Variants in NRG1 observed in about 807,000 individuals in gnomAD.
NRG1 encodes neuregulin 1.
In NRG1, 18 loss-of-function variants were observed where a neutral mutation model predicts 63.8. The observed-to-expected ratio is 0.28, with a 90% CI of 0.19 to 0.42. The LOEUF (loss-of-function observed/expected upper bound fraction) is 0.42. Ranked by LOEUF, NRG1 falls within the 10% of genes least tolerant of loss-of-function variation. NRG1 has a pLI of 1.00. For synonymous variants in NRG1, 302 were observed against 301.3 expected, an observed-to-expected ratio of 1.00 and a Z score of -0.02; for missense variants, 762 against 814.7, an observed-to-expected ratio of 0.94 and a Z score of 0.79.
At chr8:32,728,901 T>A (rs1395819226) in intron 6 of NRG1, among the ~76,000 whole-genome samples, 1 of 151,720 alleles carries the variant, frequency 6.6e-6, no homozygotes, top group African/African-American at 2.4e-5. Flanking sequence ...CCGTCTCTAC[T>A]AAAAATGCAA....
intron 5 of NRG1, among the ~76,000 whole-genome samples, chr8:32,633,989 TA>T (rs1850816839): frequency 6.6e-6 from 1 of 150,620 alleles, no homozygotes; most frequent in African/African-American, 2.5e-5. Flanking sequence ...AAAGAAATTT[TA>T]AAAATTAGCC....
At chr8:31,690,280 C>G (rs966719899) in intron 1 of NRG1, among the ~76,000 whole-genome samples, 2 of 151,976 alleles carry the variant, frequency 1.3e-5, no homozygotes, top group African/African-American at 4.8e-5. Flanking sequence ...GGTATTTCTT[C>G]ATAGCAGCAT....
At chr8:31,877,145 T>C (rs1193876354) in intron 1 of NRG1, among the ~76,000 whole-genome samples, 1 of 152,194 alleles carries the variant, frequency 6.6e-6, no homozygotes, top group Non-Finnish European at 1.5e-5. Context: ...ACCTGCTTGA[T>C]AGAAGAATAT....
intron 1 of NRG1, among the ~76,000 whole-genome samples, chr8:32,395,250 C>T (rs1264613414): frequency 1.3e-5 from 2 of 152,124 alleles, no homozygotes; most frequent in Non-Finnish European, 2.9e-5. Flanking sequence ...GATCAAGCAA[C>T]TAGTAAGTGG....
At chr8:32,437,811 A>G (rs1818977654) in intron 1 of NRG1, among the ~76,000 whole-genome samples, 1 of 152,166 alleles carries the variant, frequency 6.6e-6, no homozygotes, top group Admixed American at 6.6e-5. Flanking sequence ...TTTTGATATT[A>G]TTTATTATAA....
chr8:31,712,489 C>T (rs890253238), intron 1 of NRG1, among the ~76,000 whole-genome samples: 38 of 152,112 alleles, frequency 2.5e-4, no homozygotes, highest in African/African-American at 8.0e-4. Flanking sequence ...ATGATGGTCT[C>T]GATCTCCTGA....
intron 1 of NRG1, among the ~76,000 whole-genome samples, chr8:32,588,770 A>G (rs542180412): frequency 6.6e-6 from 1 of 152,316 alleles, no homozygotes; most frequent in South Asian, 2.1e-4. Flanking sequence ...GTTTGCTGCC[A>G]GTGGTAAAGA....
At chr8:31,702,992 C>T (rs1311327994) in intron 1 of NRG1, among the ~76,000 whole-genome samples, 3 of 150,754 alleles carry the variant, frequency 2.0e-5, no homozygotes, top group Admixed American at 6.6e-5. Flanking sequence ...TCCATTTGTT[C>T]TGTGAATCTC....
At chr8:31,991,203 G>A (rs546758790) in intron 1 of NRG1, among the ~76,000 whole-genome samples, 31 of 151,990 alleles carry the variant, frequency 2.0e-4, no homozygotes, top group Admixed American at 9.2e-4. Flanking sequence ...TTAAGTGATC[G>A]AGTAAACAAA....
rs904895025 is a variant in NRG1, at chr8:31,756,936, G to T, written c.37+117505G>T. 6.6e-5 allele frequency among the ~76,000 whole-genome samples: 10 copies of T among 152,182 alleles called. No individual in the cohort carries two copies. The East Asian group carries it at 1.7e-3, about 27-fold the overall frequency. ...TGAGGTTTCAGTCTATTGGGTCAGGGTATTAGCAATACATTAACCAAACCG... is the reference window on the plus strand; with the variant it reads ...TGAGGTTTCAGTCTATTGGGTCAGGTTATTAGCAATACATTAACCAAACCG... On this transcript the variant is annotated intron_variant, in intron 1 of 10. Coordinates refer to the NRG1 transcript ENST00000519301.
chr8:31,656,345 G>A (rs1388631174), intron 1 of NRG1, among the ~76,000 whole-genome samples: 1 of 152,168 alleles, frequency 6.6e-6, no homozygotes, highest in Non-Finnish European at 1.5e-5. Flanking sequence ...CTTTTTGAGT[G>A]GTGACTATTG....
chr8:32,664,328 G>T (rs918334904), intron 5 of NRG1, among the ~76,000 whole-genome samples: 1 of 152,090 alleles, frequency 6.6e-6, no homozygotes. Flanking sequence ...AAGGAATAAG[G>T]CTAAGAAGGA....
chr8:32,475,043 T>A (rs1411465970), intron 1 of NRG1, among the ~76,000 whole-genome samples: 4 of 152,164 alleles, frequency 2.6e-5, no homozygotes, highest in Non-Finnish European at 5.9e-5. Flanking sequence ...ATTTTGGCAC[T>A]GATCTTTCCT....
At chr8:32,753,891 G>A (rs1397065725) in intron 7 of NRG1, among the ~76,000 whole-genome samples, 1 of 152,096 alleles carries the variant, frequency 6.6e-6, no homozygotes, top group Non-Finnish European at 1.5e-5. Context: ...AAAGGCCAGG[G>A]GCTGGGGGAT....
At chr8:31,645,799 T>TA (rs1212323483) in intron 1 of NRG1, among the ~76,000 whole-genome samples, 7 of 152,222 alleles carry the variant, frequency 4.6e-5, no homozygotes, top group African/African-American at 1.2e-4. Context: ...AAATTACAAC[T>TA]AAAAAATCAA....
At chr8:32,517,934 C>T (rs904086930) in intron 1 of NRG1, among the ~76,000 whole-genome samples, 1 of 151,932 alleles carries the variant, frequency 6.6e-6, no homozygotes, top group Non-Finnish European at 1.5e-5. Context: ...TGTTCTCTAG[C>T]AAAGATCAAA....
At chr8:32,679,761 A>G (rs1808116497) in intron 5 of NRG1, among the ~76,000 whole-genome samples, 1 of 152,204 alleles carries the variant, frequency 6.6e-6, no homozygotes, top group Admixed American at 6.5e-5. Flanking sequence ...TTCTGATCTT[A>G]TGTGTTCACC....
intron 1 of NRG1, among the ~76,000 whole-genome samples, chr8:31,675,440 A>C (rs1168370751): frequency 6.6e-6 from 1 of 152,226 alleles, no homozygotes; most frequent in Non-Finnish European, 1.5e-5. Flanking sequence ...TGATATACTC[A>C]ATACTTCTGC....
At chr8:32,511,560 A>G (rs1829225662) in intron 1 of NRG1, among the ~76,000 whole-genome samples, 1 of 151,860 alleles carries the variant, frequency 6.6e-6, no homozygotes, top group Admixed American at 6.6e-5. Context: ...CCAAATACAC[A>G]GAGGAATTTT....
Sources: allele counts gnomAD v4.1 joint callset (sites outside exome capture counted in the v4.1 genomes callset), GRCh38; gene constraint gnomAD v4.1.1; transcripts MANE v1.5; gene names NCBI Gene and HGNC (gene_info 2026-07-23, HGNC 2026-07-21).